The following CKAP5 variants were observed in gnomAD, a reference collection of about 807,000 sequenced individuals.
CKAP5 encodes cytoskeleton-associated protein 5.
A neutral mutation model predicts 232.8 loss-of-function variants in CKAP5; 27 were observed. The ratio of observed to expected loss-of-function variants is 0.12; its 90% CI spans 0.09 to 0.16. CKAP5 has a LOEUF of 0.16. CKAP5 is among the 10% of genes least tolerant of loss of function. The pLI, the probability that CKAP5 is intolerant of heterozygous loss-of-function variation, is 1.00. For missense variants in CKAP5, 1,838 were observed against 2,424.7 expected (o/e 0.76, Z 5.08); for synonymous variants, 785 against 841.1 (o/e 0.93, Z 1.16).
At chr11:46,841,100 C>T (rs1422184215) in intron 1 of CKAP5, among the ~76,000 whole-genome samples, 1 of 152,084 alleles carries the variant, frequency 6.6e-6, no homozygotes, top group Admixed American at 6.6e-5. Flanking sequence ...GAAACCCCGT[C>T]TCTACTAAAA....
At chr11:46,771,805 T>C (rs552385621) in intron 24 of CKAP5, among the ~76,000 whole-genome samples, 8 of 152,346 alleles carry the variant, frequency 5.3e-5, no homozygotes, top group South Asian at 4.1e-4. Flanking sequence ...AAGAGTGCAA[T>C]TGCTGGCTCA....
At chr11:46,764,873 T>TAA in intron 28 of CKAP5, among the ~76,000 whole-genome samples, 1 of 151,404 alleles carries the variant, frequency 6.6e-6, no homozygotes, top group South Asian at 2.1e-4. Context: ...TCCAATTAAT[T>TAA]AAAAAAAAAA....
chr11:46,755,468 A>G (rs902946559), intron 35 of CKAP5, among the ~76,000 whole-genome samples: 6 of 152,048 alleles, frequency 3.9e-5, no homozygotes, highest in Non-Finnish European at 7.4e-5. Flanking sequence ...TGGCTTCCCA[A>G]AGTGCTGGGA....
intron 42 of CKAP5, among the ~76,000 whole-genome samples, chr11:46,745,455 G>T (rs1167463289): frequency 6.6e-6 from 1 of 152,170 alleles, no homozygotes; most frequent in Non-Finnish European, 1.5e-5. Flanking sequence ...TAATCAGTGG[G>T]AATACATGCT....
chr11:46,763,430 G>A (rs778903272), intron 29 of CKAP5, 51 bp downstream of exon 29: 18 of 1,488,870 alleles, frequency 1.2e-5, no homozygotes, highest in East Asian at 7.0e-5. Flanking sequence ...CATAGGGCTC[G>A]GTATTTTTAC....
intron 28 of CKAP5, among the ~76,000 whole-genome samples, chr11:46,763,862 T>TCA (rs2065177948): frequency 6.6e-6 from 1 of 152,214 alleles, no homozygotes; most frequent in Non-Finnish European, 1.5e-5. Context: ...AGACAGAGTC[T>TCA]CACCTGTTGC....
chr11:46,837,408 T>A (rs1592492843), intron 1 of CKAP5, among the ~76,000 whole-genome samples: 1 of 152,304 alleles, frequency 6.6e-6, no homozygotes, highest in East Asian at 1.9e-4. Flanking sequence ...AGAGAAATAT[T>A]TATAGATATG....
chr11:46,783,992 CTCTGTG>C (rs2065364588), intron 17 of CKAP5, among the ~76,000 whole-genome samples: 1 of 151,552 alleles, frequency 6.6e-6, no homozygotes, highest in Non-Finnish European at 1.5e-5. Flanking sequence ...AGGTGTGAGC[CTCTGTG>C]TCTGACCGAA....
chr11:46,783,377 G>T lies in CKAP5; in HGVS notation c.2155-9C>A. 1 of 1,538,810 alleles carries T rather than the reference G, an allele frequency of 6.5e-7. No homozygotes were observed. ...AAAGCCATTGACACAACCTGAAAAG[G>T]GAAAAACAGCAGATCTGTGTTTTAT... On this transcript the variant is annotated splice_polypyrimidine_tract_variant and intron_variant, in intron 17 of 43. Coordinates refer to ENST00000529230, the MANE Select transcript of CKAP5 (RefSeq NM_001008938.4).
intron 15 of CKAP5, among the ~76,000 whole-genome samples, chr11:46,789,587 G>T (rs1431850793): frequency 6.6e-6 from 1 of 152,058 alleles, no homozygotes; most frequent in Non-Finnish European, 1.5e-5. Context: ...ACGAGGTCAG[G>T]AGATCAAGAC....
chr11:46,749,812 G>A (rs943252789), intron 42 of CKAP5, among the ~76,000 whole-genome samples: 3 of 151,732 alleles, frequency 2.0e-5, no homozygotes, highest in Admixed American at 6.6e-5. Context: ...TTAGCCTGGC[G>A]TGGTGGCGCA....
At chr11:46,800,147 G>A (rs1014882548) in intron 9 of CKAP5, among the ~76,000 whole-genome samples, 1 of 151,842 alleles carries the variant, frequency 6.6e-6, no homozygotes, top group African/African-American at 2.4e-5. Context: ...TATACACATC[G>A]ATATTATATA....
chr11:46,828,296 A>C (rs1474544066), intron 1 of CKAP5, among the ~76,000 whole-genome samples: 1 of 152,174 alleles, frequency 6.6e-6, no homozygotes, highest in Non-Finnish European at 1.5e-5. Flanking sequence ...CCAAGTAAAA[A>C]ATGGATTCAG....
Position 46,776,247 on chromosome 11 carries a change from A to G in CKAP5, c.2991+8T>C. 6.2e-7 allele frequency: 1 copy of G among 1,613,312 alleles called. No individual in the cohort carries two copies. Among genetic ancestry groups the G allele is most frequent in the Non-Finnish European group, 8.5e-7 (1 of 1,179,534 alleles). ...GAGTAATGCACATGATTAATTTATG[A>G]TACTAACCTCTTGCCTCAAGAAAGG... is the stretch of plus-strand genomic sequence containing the variant. On this transcript the variant is annotated splice_region_variant and intron_variant, in intron 24 of 43. Coordinates refer to ENST00000529230, the MANE Select transcript of CKAP5 (RefSeq NM_001008938.4).
chr11:46,793,149 G>A (rs1221159455), intron 13 of CKAP5, among the ~76,000 whole-genome samples: 1 of 152,188 alleles, frequency 6.6e-6, no homozygotes. Context: ...AAAAATATCA[G>A]AGCATGTGTA....
At chr11:46,758,881 T>C (rs772738856) in intron 35 of CKAP5, 42 bp downstream of exon 35, 3 of 1,609,960 alleles carry the variant, frequency 1.9e-6, no homozygotes, top group Non-Finnish European at 2.5e-6. Context: ...ATAGCCTCTA[T>C]GTCCACCAAT....
At chr11:46,823,778 G>A (rs2134695433) in intron 1 of CKAP5, among the ~76,000 whole-genome samples, 1 of 152,204 alleles carries the variant, frequency 6.6e-6, no homozygotes, top group South Asian at 2.1e-4. Flanking sequence ...ATGTCACCAT[G>A]CCCAACTAAT....
intron 13 of CKAP5, among the ~76,000 whole-genome samples, chr11:46,792,209 C>T (rs1039692584): frequency 2.6e-5 from 4 of 152,172 alleles, no homozygotes; most frequent in African/African-American, 9.7e-5. Flanking sequence ...AACAAATCTA[C>T]TATTCTTTTT....
At chr11:46,765,953 TATC>T (rs2065199579) in intron 27 of CKAP5, among the ~76,000 whole-genome samples, 2 of 152,186 alleles carry the variant, frequency 1.3e-5, no homozygotes, top group Admixed American at 1.3e-4. Flanking sequence ...ATGTATCTCT[TATC>T]ATAACAGTGT....
Sources: allele counts gnomAD v4.1 joint callset (sites outside exome capture counted in the v4.1 genomes callset), GRCh38; gene constraint gnomAD v4.1.1; transcripts MANE v1.5; gene names NCBI Gene and HGNC (gene_info 2026-07-23, HGNC 2026-07-21).